Variants in BHMT observed in about 807,000 individuals in gnomAD.
The protein encoded by BHMT is betaine--homocysteine S-methyltransferase, also known as betaine--homocysteine S-methyltransferase 1.
BHMT carries 38 observed loss-of-function variants against 49.5 expected under a neutral mutation model. The observed-to-expected ratio is 0.77, with a 90% CI of 0.59 to 1.01. The LOEUF is 1.01. BHMT is among the 50% of genes least tolerant of loss of function. BHMT has a pLI of 0.00. For synonymous variants in BHMT, 166 were observed against 176.3 expected, an observed-to-expected ratio of 0.94 and a Z score of 0.46; for missense variants, 426 against 495.7, an observed-to-expected ratio of 0.86 and a Z score of 1.34.
chr5:79,129,853 A>G (rs1470632909), intron 7 of BHMT, among the ~76,000 whole-genome samples: 2 of 152,134 alleles, frequency 1.3e-5, no homozygotes, highest in Admixed American at 6.6e-5. Flanking sequence ...TTTTCCCTGT[A>G]CATATATTAA....
At chr5:79,119,647 C>G (rs1257043890) in intron 3 of BHMT, 4 of 292,172 alleles carry the variant, frequency 1.4e-5, no homozygotes, top group African/African-American at 2.2e-5. Flanking sequence ...GTAAATTGGG[C>G]AACCTTACAA....
chr5:79,126,339 T>A, intron 6 of BHMT, 111 bp downstream of exon 6: 1 of 1,237,228 alleles, frequency 8.1e-7, no homozygotes, highest in South Asian at 1.4e-5. Flanking sequence ...TGGCTTGGTG[T>A]CTCCTCATGT....
At chr5:79,113,767 C>G (rs1001551449) in intron 1 of BHMT, among the ~76,000 whole-genome samples, 11 of 151,998 alleles carry the variant, frequency 7.2e-5, no homozygotes, top group African/African-American at 2.4e-4. Flanking sequence ...AGCTTGGGAA[C>G]AGAAAATCCT....
rs1756644804 is a variant in BHMT, at chr5:79,131,615, T to A, written c.*499T>A. 6.6e-6 allele frequency: 1 copy of A among 152,336 alleles called. No homozygotes were observed. The highest frequency in any genetic ancestry group is 2.4e-5 in the African/African-American group (1 of 41,462). 9.4% of individuals were successfully genotyped at this position (152,336 alleles called of 1,614,324 possible). On this transcript the variant is annotated 3_prime_UTR_variant, in exon 8 of 8. Transcript: ENST00000274353. ...CTTACTGTCGAAATTAAATGTGTGATCCATCCTAGTATTTTCTGTTCCATT... is the reference window on the plus strand; with the variant it reads ...CTTACTGTCGAAATTAAATGTGTGAACCATCCTAGTATTTTCTGTTCCATT...
chr5:79,125,027 C>T (rs1561255044), intron 5 of BHMT, among the ~76,000 whole-genome samples: 1 of 152,118 alleles, frequency 6.6e-6, no homozygotes, highest in Admixed American at 6.5e-5. Flanking sequence ...CTCAAGCAAG[C>T]AGTATGGTAA....
At chr5:79,119,213 T>C (rs377251028) in intron 2 of BHMT, 46 bp from the exon 3 acceptor site, 170 of 1,393,790 alleles carry the variant, frequency 1.2e-4, no homozygotes, top group Non-Finnish European at 1.6e-4. Flanking sequence ...GAAAATATCG[T>C]GTGTTAATAA....
intron 5 of BHMT, among the ~76,000 whole-genome samples, chr5:79,123,538 TG>T (rs1381902284): frequency 4.0e-5 from 1 of 25,206 alleles, no homozygotes; most frequent in African/African-American, 6.8e-5. Context: ...GTTGGTTGGT[TG>T]GTTGGTTCGT....
At chr5:79,127,527 A>C (rs1310441682) in intron 6 of BHMT, among the ~76,000 whole-genome samples, 1 of 152,228 alleles carries the variant, frequency 6.6e-6, no homozygotes. Context: ...GGACTGCACA[A>C]GAAGAAAAAC....
Position 79,131,475 on chromosome 5 carries a change from C to G in BHMT, c.*359C>G, listed in dbSNP as rs1392991334. The G allele has an allele frequency of 6.0e-6, 1 of 166,590 alleles. No individual in the cohort carries two copies. The highest frequency in any genetic ancestry group is 2.4e-5 in the African/African-American group (1 of 41,914). The allele number at this position is 166,590 out of a possible 1,614,324, so 10.3% of individuals were successfully genotyped here. ...GAGACATGAACTGTCATAAAGGACTCAGCAACCAGCCAGGGACAGATAAAG... is the reference window on the plus strand; with the variant it reads ...GAGACATGAACTGTCATAAAGGACTGAGCAACCAGCCAGGGACAGATAAAG... On this transcript the variant is annotated 3_prime_UTR_variant, in exon 8 of 8. Coordinates refer to ENST00000274353, the MANE Select transcript of BHMT (RefSeq NM_001713.3).
chr5:79,112,437 A>G (rs1254559199), intron 1 of BHMT, among the ~76,000 whole-genome samples: 2 of 152,154 alleles, frequency 1.3e-5, no homozygotes, highest in African/African-American at 4.8e-5. Flanking sequence ...GCGCGCCCAG[A>G]ACAGGGAGGA....
intron 2 of BHMT, among the ~76,000 whole-genome samples, chr5:79,117,568 T>C (rs1756404103): frequency 6.6e-6 from 1 of 152,228 alleles, no homozygotes; most frequent in South Asian, 2.1e-4. Context: ...AAAGCTTTTT[T>C]CACTTGTGTA....
At chr5:79,123,515 T>C (rs1756505911) in intron 5 of BHMT, among the ~76,000 whole-genome samples, 1 of 137,744 alleles carries the variant, frequency 7.3e-6, no homozygotes, top group Non-Finnish European at 1.6e-5. Context: ...AAAAAGTCCT[T>C]TTTGGTTGGT....
In BHMT at chr5:79,126,182, T is replaced by C. The variant is rs1297076915; in HGVS notation, c.762T>C (p.Pro254=). 6.2e-7 allele frequency: 1 copy of C among 1,613,836 alleles called. No homozygotes were observed. The part of the protein sequence containing the change: ...LMSQPLAYHT[P]DCNKQGFIDL... The stretch of plus-strand genomic sequence containing the variant: ...GCCAGCCCTTGGCTTACCACACTCC[T>C]GACTGCAACAAGCAGGGATTCATCG... Residue 254 remains proline, a synonymous_variant, in exon 6 of 8, where the codon CCT becomes CCC. Coordinates refer to ENST00000274353, the MANE Select transcript of BHMT (RefSeq NM_001713.3).
At chr5:79,126,343 C>T (rs1756553928) in intron 6 of BHMT, 115 bp downstream of exon 6, 14 of 1,226,566 alleles carry the variant, frequency 1.1e-5, no homozygotes, top group Admixed American at 4.9e-5. Flanking sequence ...TTGGTGTCTC[C>T]TCATGTCTTG....
chr5:79,124,870 T>C (rs908911090), intron 5 of BHMT, among the ~76,000 whole-genome samples: 22 of 152,176 alleles, frequency 1.4e-4, no homozygotes, highest in African/African-American at 5.1e-4. Flanking sequence ...AGATTCTTTT[T>C]CCCCAAACTA....
chr5:79,115,840 G>C lies in BHMT; in HGVS notation c.107G>C (p.Arg36Thr). Residue 36 changes from arginine to threonine, a missense_variant, in exon 2 of 8, where the codon AGG becomes ACG. Around this residue, in one of 3 missense-constraint regions of BHMT, gnomAD observed 321 missense variants for 355.9 expected, o/e 0.90. Coordinates refer to ENST00000274353, the MANE Select transcript of BHMT (RefSeq NM_001713.3). The stretch of plus-strand genomic sequence containing the variant: ...GGGTTTGTCTTTGCACTGGAGAAGA[G>C]GGGCTACGTAAAGGCAGGACCCTGG... Reference protein sequence around the residue: ...DGGFVFALEKRGYVKAGPWTP... With the variant: ...DGGFVFALEKTGYVKAGPWTP... 4 of 1,614,108 alleles carry C rather than the reference G, an allele frequency of 2.5e-6. No homozygotes were observed. Among genetic ancestry groups the C allele is most frequent in the Non-Finnish European group, 3.4e-6 (4 of 1,179,992 alleles).
chr5:79,125,546 GA>G (rs1430205264), intron 5 of BHMT, among the ~76,000 whole-genome samples: 2 of 151,176 alleles, frequency 1.3e-5, no homozygotes, highest in Admixed American at 6.6e-5. Flanking sequence ...CACTTTCACA[GA>G]AAGCACTTCC....
intron 1 of BHMT, among the ~76,000 whole-genome samples, chr5:79,114,639 T>A (rs1453410199): frequency 6.6e-6 from 1 of 152,204 alleles, no homozygotes; most frequent in Non-Finnish European, 1.5e-5. Flanking sequence ...TACAGTTTTT[T>A]TCAGGGCTGT....
At chr5:79,120,282 G>C (rs971079538) in intron 3 of BHMT, 68 bp from the exon 4 acceptor site, 9 of 1,370,264 alleles carry the variant, frequency 6.6e-6, no homozygotes, top group Non-Finnish European at 8.9e-6. Context: ...AGATGTGAAT[G>C]TTTGAATAAT....
Sources: gnomAD v4.1 joint callset for allele counts (sites outside exome capture counted in the v4.1 genomes callset) on GRCh38, gnomAD v4.1.1 for gene constraint, gnomAD v4.1.1 regional missense constraint, MANE v1.5 for transcripts, NCBI Gene and HGNC (gene_info 2026-07-23, HGNC 2026-07-21) for gene names.